The following SSC5D variants were observed in gnomAD, a reference collection of about 807,000 sequenced individuals.
The protein encoded by SSC5D is scavenger receptor cysteine rich family member with 5 domains, also known as soluble scavenger receptor cysteine-rich domain-containing protein SSC5D.
In SSC5D, 106 loss-of-function variants were observed where a neutral mutation model predicts 104.6. The observed-to-expected ratio is 1.01, with a 90% CI of 0.87 to 1.19. The LOEUF (loss-of-function observed/expected upper bound fraction) is 1.19, where lower values mean the gene tolerates loss of function less well. Among genes scored for constraint, SSC5D ranks in the 50% most tolerant of loss-of-function variants. The probability of loss-of-function intolerance (pLI) is 0.00; values close to 1 mark genes in which losing one functional copy is unlikely to be tolerated. For synonymous variants in SSC5D, 860 were observed against 883.5 expected (o/e 0.97, Z 0.47); for missense variants, 1,993 against 2,153.8 (o/e 0.93, Z 1.48).
chr19:55,499,693 T>C (rs1987418804), intron 9 of SSC5D, 123 bp from the exon 10 acceptor site: 1 of 802,554 alleles, frequency 1.2e-6, no homozygotes. Context: ...TTTGTGACAA[T>C]AAATGAATGA....
At chr19:55,510,143 G>A (rs913561247) in intron 12 of SSC5D, among the ~76,000 whole-genome samples, 3 of 151,914 alleles carry the variant, frequency 2.0e-5, no homozygotes, top group Non-Finnish European at 2.9e-5. Flanking sequence ...GACTACTGGT[G>A]TGCCCCACCA....
chr19:55,500,875 G>C lies in SSC5D; in HGVS notation c.2617+71G>C, dbSNP rs1987480509. 4.6e-6 allele frequency: 7 copies of C among 1,507,854 alleles called. No individual in the cohort carries two copies. Among genetic ancestry groups the C allele is most frequent in the Non-Finnish European group, 6.2e-6 (7 of 1,120,670 alleles). The allele number at this position is 1,507,854 out of a possible 1,614,324, so 93.4% of individuals were successfully genotyped here. On this transcript the variant is annotated intron_variant, in intron 11 of 13. Transcript: ENST00000389623. This position sits in a 1 kb window ranked among gnomAD's most constrained non-coding sequence, Gnocchi z 4.6. ...GAGAATGGAGTCAGGGTGGGGCCAG[G>C]TGACGGCACCATGGTCGACTCTAAA...
intron 7 of SSC5D, among the ~76,000 whole-genome samples, chr19:55,494,320 GC>G (rs1208464975): frequency 1.3e-5 from 2 of 152,136 alleles, no homozygotes; most frequent in Admixed American, 6.5e-5. Context: ...CTGCCTCCTG[GC>G]CCCCGGCGGA....
rs1490058872 is a variant in SSC5D at position 55,500,572 on chromosome 19, AGT to A, written c.2391_2392del (p.Cys797Ter). ...TGTGGCATGCCGGACGCTGGGGAAC[AGT>A]GTGTGATGACAACTGGGACCTGCGG... ...EVWHAGRWGT[V>X]CDDNWDLRDA... On this transcript the variant is annotated frameshift_variant, in exon 11 of 14. Coordinates refer to ENST00000389623, the MANE Select transcript of SSC5D (RefSeq NM_001144950.2). LOFTEE classifies it high-confidence loss of function. The surrounding 1 kb of genome is among the most constrained non-coding windows in gnomAD (Gnocchi z 4.6). The A allele has an allele frequency of 1.9e-6, 3 of 1,551,568 alleles. No individual in the cohort carries two copies. The highest frequency in any genetic ancestry group is 2.6e-6 in the Non-Finnish European group (3 of 1,146,990).
Position 55,503,586 on chromosome 19 carries a change from C to CA in SSC5D, c.2785+2386dup, listed in dbSNP as rs913794536. On this transcript the variant is annotated intron_variant, in intron 12 of 13. Transcript: ENST00000389623. The surrounding 1 kb of genome is among the most constrained non-coding windows in gnomAD (Gnocchi z 4.0). ...GTCCCCGCCGCCCTCGCCGCTCCCTCACGGGAGGTTTCACTCCCCACCTAA... is the reference window on the plus strand; with the variant it reads ...GTCCCCGCCGCCCTCGCCGCTCCCTCAACGGGAGGTTTCACTCCCCACCTAA... 2.0e-5 allele frequency among the ~76,000 whole-genome samples: 3 copies of CA among 152,178 alleles called. No individual in the cohort carries two copies. Among genetic ancestry groups the CA allele is most frequent in the African/African-American group, 7.2e-5 (3 of 41,444 alleles).
chr19:55,493,994 G>GGGCT, intron 7 of SSC5D, 82 bp downstream of exon 7: 1 of 143,314 alleles, frequency 7.0e-6, no homozygotes, highest in Non-Finnish European at 1.4e-5. Flanking sequence ...GGGCGGGGGG[G>GGGCT]TCCCTACGCG....
Position 55,489,979 on chromosome 19 carries a change from G to A in SSC5D, c.459G>A (p.Glu153=). 1 of 1,549,246 alleles carries A rather than the reference G, an allele frequency of 6.5e-7. No individual in the cohort carries two copies. The highest frequency in any genetic ancestry group is 1.2e-5 in the South Asian group (1 of 84,012). The part of the protein sequence containing the change: ...LLLELSPSTE[E]PLVTHAPRPA... Reference sequence around the variant, plus strand: ...TGGAGCTGAGCCCCAGCACGGAGGAGCCCCTGGTGACACATGGTGAGCCCA... The same window carrying A: ...TGGAGCTGAGCCCCAGCACGGAGGAACCCCTGGTGACACATGGTGAGCCCA... The change falls in exon 4 of 14, where the codon GAG becomes GAA. Residue 153 remains glutamate, a synonymous_variant. Transcript: ENST00000389623.
At chr19:55,488,760 C>CA in intron 1 of SSC5D, 146 bp downstream of exon 1, 1 of 777,132 alleles carries the variant, frequency 1.3e-6, no homozygotes, top group South Asian at 1.6e-5. Context: ...GATCCCTGCT[C>CA]AATCTGCCCA....
chr19:55,499,434 C>G (rs1253926622), intron 9 of SSC5D, among the ~76,000 whole-genome samples: 2 of 152,078 alleles, frequency 1.3e-5, no homozygotes, highest in African/African-American at 4.8e-5. Context: ...GACCTGGGTA[C>G]CCCACTGGTG....
At chr19:55,515,710 C>T (rs550943992) in intron 13 of SSC5D, among the ~76,000 whole-genome samples, 38 of 144,804 alleles carry the variant, frequency 2.6e-4, no homozygotes, top group African/African-American at 8.8e-4. Flanking sequence ...CTAACCTGGG[C>T]GACAGAGTGA....
chr19:55,497,823 AG>A (rs869286738), intron 8 of SSC5D, 56 bp from the exon 9 acceptor site: 3 of 1,345,638 alleles, frequency 2.2e-6, no homozygotes, highest in East Asian at 2.8e-5. Context: ...GTGGATGAAG[AG>A]TCAGGAGGCT....
intron 8 of SSC5D, among the ~76,000 whole-genome samples, chr19:55,495,233 A>ATATATTTTTTTT (rs1555765051): frequency 2.0e-5 from 1 of 50,668 alleles, no homozygotes; most frequent in Non-Finnish European, 3.2e-5. Flanking sequence ...ATATATATAT[A>ATATATTTTTTTT]TTTTTTTTTT....
intron 6 of SSC5D, chr19:55,492,328 C>G (rs184071903): frequency 6.6e-6 from 1 of 152,326 alleles, no homozygotes; most frequent in African/African-American, 2.4e-5. Flanking sequence ...TGGGAGTGAG[C>G]AGCAGAGAAG....
In SSC5D at chr19:55,491,088, G is replaced by A. The variant is rs1240151192; in HGVS notation, c.895+8G>A. The A allele has an allele frequency of 5.8e-6, 9 of 1,545,332 alleles. No homozygotes were observed. Among genetic ancestry groups the A allele is most frequent in the East Asian group, 4.9e-5 (2 of 40,732 alleles). ...CGGGGCTGGTCTGCACCGGTACGTC[G>A]GGCTGGGGCCTGGCCCCCTCCTGTC... On this transcript the variant is annotated splice_region_variant and intron_variant, in intron 6 of 13. Coordinates refer to ENST00000389623, the MANE Select transcript of SSC5D (RefSeq NM_001144950.2).
chr19:55,508,745 G>A (rs1987692967), intron 12 of SSC5D, among the ~76,000 whole-genome samples: 1 of 37,502 alleles, frequency 2.7e-5, no homozygotes, highest in Non-Finnish European at 5.7e-5. Context: ...AGGGGATGGG[G>A]GGAGGCCTCC....
intron 6 of SSC5D, among the ~76,000 whole-genome samples, 191 bp from the exon 7 acceptor site, chr19:55,493,404 A>G (rs1183062871): frequency 6.6e-6 from 1 of 152,198 alleles, no homozygotes; most frequent in Non-Finnish European, 1.5e-5. Context: ...GGCAAGGGAT[A>G]TGGGGGATGC....
rs1464305015 is a variant in SSC5D at position 55,503,578 on chromosome 19, C to T, written c.2785+2377C>T. On this transcript the variant is annotated intron_variant, in intron 12 of 13. Coordinates refer to ENST00000389623, the MANE Select transcript of SSC5D (RefSeq NM_001144950.2). This position sits in a 1 kb window ranked among gnomAD's most constrained non-coding sequence, Gnocchi z 4.0. The stretch of plus-strand genomic sequence containing the variant: ...TTCTCACCGTCCCCGCCGCCCTCGC[C>T]GCTCCCTCACGGGAGGTTTCACTCC... Among the ~76,000 whole-genome samples, 1 of 151,676 alleles carries T rather than the reference C, an allele frequency of 6.6e-6. No individual in the cohort carries two copies. The highest frequency in any genetic ancestry group is 1.5e-5 in the Non-Finnish European group (1 of 68,026).
intron 12 of SSC5D, among the ~76,000 whole-genome samples, chr19:55,510,203 T>A (rs920989603): frequency 6.6e-6 from 1 of 152,154 alleles, no homozygotes; most frequent in Non-Finnish European, 1.5e-5. Flanking sequence ...TTCAACATGT[T>A]GGCCAGGCTG....
chr19:55,504,344 C>T, intron 12 of SSC5D: 1 of 1,406,720 alleles, frequency 7.1e-7, no homozygotes, highest in Non-Finnish European at 9.2e-7. Context: ...AATGAAAAGA[C>T]AGCCATGTGT....
Sources: gnomAD v4.1 joint callset for allele counts (sites outside exome capture counted in the v4.1 genomes callset) on GRCh38, gnomAD v4.1.1 for gene constraint, Gnocchi (gnomAD v3.1) non-coding constraint, MANE v1.5 for transcripts, NCBI Gene and HGNC (gene_info 2026-07-23, HGNC 2026-07-21) for gene names.